EYS: variants seen among roughly 807,000 people sequenced by gnomAD.
The protein encoded by EYS is protein eyes shut homolog.
A neutral mutation model predicts 282.1 loss-of-function variants in EYS; 250 were observed. The ratio of observed to expected loss-of-function variants is 0.89; its 90% CI spans 0.80 to 0.98. The LOEUF (loss-of-function observed/expected upper bound fraction) is 0.98, where lower values mean the gene tolerates loss of function less well. Among genes scored for constraint, EYS ranks in the 50% least tolerant of loss-of-function variants. The pLI, the probability that EYS is intolerant of heterozygous loss-of-function variation, is 0.00. For missense variants in EYS, 4,016 were observed against 3,709.0 expected, an observed-to-expected ratio of 1.08 and a Z score of -2.15; for synonymous variants, 1,355 against 1,282.9, an observed-to-expected ratio of 1.06 and a Z score of -1.20.
intron 35 of EYS, among the ~76,000 whole-genome samples, chr6:63,869,553 T>C (rs1772751318): frequency 6.6e-6 from 1 of 152,144 alleles, no homozygotes; most frequent in African/African-American, 2.4e-5. Flanking sequence ...AAAGTTTTGC[T>C]TCCAAGGGAG....
At chr6:64,935,916 A>G (rs1197668449) in intron 15 of EYS, among the ~76,000 whole-genome samples, 1 of 151,622 alleles carries the variant, frequency 6.6e-6, no homozygotes, top group Non-Finnish European at 1.5e-5. Context: ...GTTCCAAAAG[A>G]GAAGGGGAAA....
chr6:64,077,549 C>T (rs1036343814), intron 32 of EYS, among the ~76,000 whole-genome samples: 2 of 151,942 alleles, frequency 1.3e-5, no homozygotes, highest in Non-Finnish European at 2.9e-5. Context: ...ATTTTAAATA[C>T]AAACATTAAG....
chr6:64,998,287 A>T (rs187238318), intron 13 of EYS, among the ~76,000 whole-genome samples: 1 of 152,250 alleles, frequency 6.6e-6, no homozygotes, highest in Admixed American at 6.5e-5. Flanking sequence ...TGTCTGAAGC[A>T]TCTCAAGGAA....
chr6:64,436,107 T>C (rs1582749766), intron 28 of EYS, 67 bp downstream of exon 28: 5 of 921,010 alleles, frequency 5.4e-6, no homozygotes, highest in Non-Finnish European at 4.9e-6. Flanking sequence ...AAATGACAAG[T>C]ACAATATTGT....
intron 1 of EYS, among the ~76,000 whole-genome samples, chr6:65,683,435 T>G (rs866912649): frequency 6.6e-6 from 1 of 151,744 alleles, no homozygotes; most frequent in African/African-American, 2.4e-5. Flanking sequence ...TCTTAACTAC[T>G]ATTGCAATAA....
intron 12 of EYS, among the ~76,000 whole-genome samples, chr6:65,119,148 G>A (rs1775457759): frequency 6.6e-6 from 1 of 152,078 alleles, no homozygotes; most frequent in Admixed American, 6.6e-5. Flanking sequence ...ACTAGTTTAT[G>A]TATTACTTTT....
At chr6:64,148,596 C>T (rs558334666) in intron 31 of EYS, among the ~76,000 whole-genome samples, 17 of 151,790 alleles carry the variant, frequency 1.1e-4, no homozygotes, top group Non-Finnish European at 2.4e-4. Flanking sequence ...TTTGAGCTGA[C>T]CAACTGTTTG....
chr6:65,229,907 T>G (rs968454967), intron 12 of EYS, among the ~76,000 whole-genome samples: 1 of 152,012 alleles, frequency 6.6e-6, no homozygotes, highest in South Asian at 2.1e-4. Flanking sequence ...CAGAATAAAG[T>G]GCACATGGGT....
At chr6:63,801,185 C>A (rs911973400) in intron 37 of EYS, among the ~76,000 whole-genome samples, 1 of 152,012 alleles carries the variant, frequency 6.6e-6, no homozygotes, top group Non-Finnish European at 1.5e-5. Flanking sequence ...GGAAGAAGGA[C>A]ATGACTGAGC....
intron 22 of EYS, among the ~76,000 whole-genome samples, chr6:64,787,463 T>C (rs910939763): frequency 9.9e-5 from 15 of 152,018 alleles, no homozygotes; most frequent in African/African-American, 3.6e-4. Context: ...TGTTTTTTTT[T>C]CTCTATGTTG....
intron 31 of EYS, among the ~76,000 whole-genome samples, chr6:64,086,711 T>C (rs374381642): frequency 1.3e-4 from 20 of 152,262 alleles, no homozygotes; most frequent in African/African-American, 3.1e-4. Context: ...TACGTTACAA[T>C]TGTTGGCATA....
At chr6:65,300,696 T>C (rs895589273) in intron 11 of EYS, among the ~76,000 whole-genome samples, 1 of 152,226 alleles carries the variant, frequency 6.6e-6, no homozygotes, top group Non-Finnish European at 1.5e-5. Context: ...TTTATTGCAC[T>C]GTGATCAAAG....
chr6:65,216,847 T>G (rs1294315596), intron 12 of EYS, among the ~76,000 whole-genome samples: 3 of 151,982 alleles, frequency 2.0e-5, no homozygotes, highest in African/African-American at 7.2e-5. Context: ...TTTTAGTAAC[T>G]TATTCCTATG....
At chr6:63,862,477 C>T (rs886419807) in intron 36 of EYS, among the ~76,000 whole-genome samples, 33 of 151,956 alleles carry the variant, frequency 2.2e-4, no homozygotes, top group Admixed American at 3.3e-4. Context: ...TTTTTCCTGT[C>T]TCAATAATCT....
rs189028675 is a variant in EYS, at chr6:64,358,670, T to C, written c.6078+30020A>G. Among the ~76,000 whole-genome samples the C allele has an allele frequency of 2.6e-3, 388 of 151,776 alleles. 3 individuals are homozygous for C. Among genetic ancestry groups the C allele is most frequent in the African/African-American group, 8.7e-3 (359 of 41,480 alleles). On this transcript the variant is annotated intron_variant, in intron 29 of 42. Transcript: ENST00000503581. ...AAACCAAGTCACACGGTTTATGGCGTATGGCAAATATACATGCAGATAGGA... is the reference window on the plus strand; with the variant it reads ...AAACCAAGTCACACGGTTTATGGCGCATGGCAAATATACATGCAGATAGGA...
rs1281542538 is a variant in EYS, at chr6:64,659,047, A to C, written c.3444-32802T>G. Among the ~76,000 whole-genome samples, 3 of 152,220 alleles carry C rather than the reference A, an allele frequency of 2.0e-5. No homozygotes were observed. The South Asian group carries it at 6.2e-4, about 32-fold the overall frequency. ...AATTATAAACTGTCTTTCAGACCAG[A>C]GTGCAACCAAACTAGAACTCAGGAT... On this transcript the variant is annotated intron_variant, in intron 22 of 42. Coordinates refer to ENST00000503581, the MANE Select transcript of EYS (RefSeq NM_001142800.2).
At chr6:64,608,774 C>T (rs1335336112) in intron 24 of EYS, among the ~76,000 whole-genome samples, 1 of 152,054 alleles carries the variant, frequency 6.6e-6, no homozygotes, top group African/African-American at 2.4e-5. Context: ...GATATTAAAT[C>T]CCCATTATTA....
At chr6:64,622,940 A>G (rs1376733523) in intron 23 of EYS, among the ~76,000 whole-genome samples, 1 of 152,184 alleles carries the variant, frequency 6.6e-6, no homozygotes, top group African/African-American at 2.4e-5. Context: ...AGGAGAAAGC[A>G]AATTGCTGTG....
At chr6:63,850,884 T>A (rs184895450) in intron 36 of EYS, among the ~76,000 whole-genome samples, 1 of 152,232 alleles carries the variant, frequency 6.6e-6, no homozygotes, top group East Asian at 1.9e-4. Context: ...ACTGGCAAAT[T>A]GGATAAAGAG....
Sources: allele counts gnomAD v4.1 joint callset (sites outside exome capture counted in the v4.1 genomes callset), GRCh38; gene constraint gnomAD v4.1.1; transcripts MANE v1.5; gene names NCBI Gene and HGNC (gene_info 2026-07-23, HGNC 2026-07-21).